PHC2: variants seen among roughly 807,000 people sequenced by gnomAD.
PHC2 encodes the protein polyhomeotic homolog 2, also known as polyhomeotic-like protein 2.
In PHC2, 29 loss-of-function variants were observed where a neutral mutation model predicts 87.4. The ratio of observed to expected loss-of-function variants is 0.33; its 90% CI spans 0.25 to 0.45. PHC2 has a LOEUF of 0.45. Ranked by LOEUF, PHC2 falls within the 20% of genes least tolerant of loss-of-function variation. PHC2 has a pLI of 1.00. For missense variants in PHC2, 857 were observed against 1,136.7 expected, an observed-to-expected ratio of 0.75 and a Z score of 3.54; for synonymous variants, 438 against 461.7, an observed-to-expected ratio of 0.95 and a Z score of 0.66.
At chr1:33,420,989 GATTA>G (rs1650413731) in intron 1 of PHC2, among the ~76,000 whole-genome samples, 1 of 152,138 alleles carries the variant, frequency 6.6e-6, no homozygotes, top group Non-Finnish European at 1.5e-5. Flanking sequence ...TAGCTGTGAG[GATTA>G]AATAAGAATT....
chr1:33,378,267 T>C (rs1175719134), intron 1 of PHC2, among the ~76,000 whole-genome samples: 1 of 152,172 alleles, frequency 6.6e-6, no homozygotes, highest in Non-Finnish European at 1.5e-5. Context: ...TAAAAAGTGG[T>C]AGGAGGTATA....
chr1:33,354,476 G>A lies in PHC2; in HGVS notation c.1483C>T (p.Gln495Ter), dbSNP rs778134188. 1.2e-6 allele frequency: 2 copies of A among 1,614,152 alleles called. No individual in the cohort carries two copies. Among genetic ancestry groups the A allele is most frequent in the Admixed American group, 3.3e-5 (2 of 60,028 alleles). ...CCAGGCATGGCAGTGACAATAGCCT[G>A]CTGATGTGGTGATGGGCCAGACCGC... ...ETRSGPSPHQ[Q>*]AIVTAMPGGL... The change falls in exon 9 of 15, where the codon CAG becomes TAG. Residue 495 changes from glutamine to a stop codon, truncating the protein, a stop_gained. Coordinates refer to ENST00000683057, the MANE Select transcript of PHC2 (RefSeq NM_001385109.1). LOFTEE classifies it high-confidence loss of function.
At chr1:33,384,033 T>C (rs565959337) in intron 1 of PHC2, among the ~76,000 whole-genome samples, 1 of 152,300 alleles carries the variant, frequency 6.6e-6, no homozygotes, top group Non-Finnish European at 1.5e-5. Context: ...AGGGAACTAT[T>C]ATGCTGCCTA....
At chr1:33,421,071 T>G (rs1282372008) in intron 1 of PHC2, among the ~76,000 whole-genome samples, 1 of 152,232 alleles carries the variant, frequency 6.6e-6, no homozygotes, top group Non-Finnish European at 1.5e-5. Flanking sequence ...CAATTATTAT[T>G]ATGCAATAAA....
At chr1:33,367,709 G>T (rs1647561965) in intron 6 of PHC2, among the ~76,000 whole-genome samples, 1 of 152,134 alleles carries the variant, frequency 6.6e-6, no homozygotes, top group Admixed American at 6.5e-5. Flanking sequence ...GGGAGGCCAG[G>T]CTCTGTCCCT....
At chr1:33,400,078 A>G (rs1474555841) in intron 1 of PHC2, among the ~76,000 whole-genome samples, 3 of 152,220 alleles carry the variant, frequency 2.0e-5, no homozygotes, top group African/African-American at 7.2e-5. Flanking sequence ...AATCTCATTC[A>G]TATCTAAAGA....
At chr1:33,366,858 T>A (rs1417960605) in intron 7 of PHC2, among the ~76,000 whole-genome samples, 1 of 152,240 alleles carries the variant, frequency 6.6e-6, no homozygotes, top group East Asian at 1.9e-4. Flanking sequence ...TGTGGCTGCG[T>A]ACCCTGATTC....
intron 1 of PHC2, among the ~76,000 whole-genome samples, chr1:33,408,009 G>GA (rs1649832349): frequency 6.6e-6 from 1 of 152,204 alleles, no homozygotes; most frequent in African/African-American, 2.4e-5. Flanking sequence ...TTTGAATGGT[G>GA]AGTTTACCTC....
chr1:33,362,717 A>G (rs1230624084), intron 7 of PHC2, among the ~76,000 whole-genome samples: 1 of 151,942 alleles, frequency 6.6e-6, no homozygotes, highest in Admixed American at 6.6e-5. Context: ...GGTGCTTCCC[A>G]GTGCCAGCTG....
chr1:33,421,755 T>C (rs1407630981), intron 1 of PHC2, among the ~76,000 whole-genome samples: 2 of 152,156 alleles, frequency 1.3e-5, no homozygotes, highest in African/African-American at 2.4e-5. Flanking sequence ...TGGGGTTGAA[T>C]GAACAAACAT....
rs1646585825 is a variant in PHC2 at position 33,334,682 on chromosome 1, A to T, written c.1559-390T>A. ...GAGGGAGAAAAGTATTCAAGGTGAC[A>T]TCTAAAACCAGGACAAGAAGCTGAG... On this transcript the variant is annotated intron_variant, in intron 9 of 14. Coordinates refer to ENST00000683057, the MANE Select transcript of PHC2 (RefSeq NM_001385109.1). The surrounding 1 kb of genome is among the most constrained non-coding windows in gnomAD (Gnocchi z 5.5). Among the ~76,000 whole-genome samples the T allele has an allele frequency of 6.6e-6, 1 of 152,236 alleles. No individual in the cohort carries two copies. The highest frequency in any genetic ancestry group is 1.5e-5 in the Non-Finnish European group (1 of 68,032).
At chr1:33,401,868 A>G (rs1321778670) in intron 1 of PHC2, among the ~76,000 whole-genome samples, 1 of 152,234 alleles carries the variant, frequency 6.6e-6, no homozygotes, top group Non-Finnish European at 1.5e-5. Context: ...AGTAAACTAA[A>G]TATTTAAGAG....
At chr1:33,372,538 A>C in intron 2 of PHC2, 91 bp from the exon 3 acceptor site, 1 of 1,204,034 alleles carries the variant, frequency 8.3e-7, no homozygotes, top group Non-Finnish European at 1.1e-6. Flanking sequence ...CCAGGTCTCT[A>C]TAACTGCTCG....
In PHC2 at chr1:33,324,729, C is replaced by G; in HGVS notation, c.*136G>C. On this transcript the variant is annotated 3_prime_UTR_variant, in exon 15 of 15. Transcript: ENST00000683057. The stretch of plus-strand genomic sequence containing the variant: ...AGAGCCATGGAGGAGGTGCCCAGAC[C>G]TCCTCACCAGCTATGCCCCTAGGGA... 1 of 900,624 alleles carries G rather than the reference C, an allele frequency of 1.1e-6. No homozygotes were observed. The highest frequency in any genetic ancestry group is 2.1e-5 in the South Asian group (1 of 47,238). The allele number at this position is 900,624 out of a possible 1,614,324, so 55.8% of individuals were successfully genotyped here.
At chr1:33,430,839 GTCC>G (rs1192497850) in intron 1 of PHC2, 134 bp downstream of exon 1, 80 of 150,290 alleles carry the variant, frequency 5.3e-4, no homozygotes, top group African/African-American at 1.9e-3. Flanking sequence ...CGCGCGGCCC[GTCC>G]CGGCCGAGCG....
In PHC2 at chr1:33,334,272, G is replaced by C. The variant is rs1395542140; in HGVS notation, c.1579C>G (p.His527Asp). ...GGGCTGCTGAGGTCGGTCAGTGCAT[G>C]AACAATGCCCTGCCCTGTCTCTGCA... The part of the protein sequence containing the change: ...PAHETGQGIV[H>D]ALTDLSSPGM... Residue 527 changes from histidine (H) to aspartate (D), a missense_variant, in exon 10 of 15, where the codon CAT (histidine) becomes GAT (aspartate). By Grantham distance (81) the His-to-Asp change is moderately conservative. Around this residue, in one of 3 missense-constraint regions of PHC2, gnomAD observed 832 missense variants for 1,081.8 expected, o/e 0.77. Coordinates refer to ENST00000683057, the MANE Select transcript of PHC2 (RefSeq NM_001385109.1). This position sits in a 1 kb window ranked among gnomAD's most constrained non-coding sequence, Gnocchi z 5.5. 3 of 1,612,652 alleles carry C rather than the reference G, an allele frequency of 1.9e-6. No homozygotes were observed. The highest frequency in any genetic ancestry group is 2.5e-6 in the Non-Finnish European group (3 of 1,179,536).
At chr1:33,338,454 C>T (rs1646682589) in intron 9 of PHC2, among the ~76,000 whole-genome samples, 1 of 152,178 alleles carries the variant, frequency 6.6e-6, no homozygotes, top group Non-Finnish European at 1.5e-5. Context: ...ACAGCTACTT[C>T]GCTTTGCAGT....
At chr1:33,396,102 C>T (rs967569032) in intron 1 of PHC2, among the ~76,000 whole-genome samples, 1 of 152,202 alleles carries the variant, frequency 6.6e-6, no homozygotes, top group East Asian at 1.9e-4. Context: ...AAGCCAACCT[C>T]AGTAGGTGTG....
intron 1 of PHC2, among the ~76,000 whole-genome samples, chr1:33,400,876 T>C (rs1405706214): frequency 2.0e-5 from 3 of 152,144 alleles, no homozygotes; most frequent in East Asian, 3.8e-4. Context: ...TAGCTGCCCT[T>C]TGTGTTAGTA....
Sources: gnomAD v4.1 joint callset for allele counts (sites outside exome capture counted in the v4.1 genomes callset) on GRCh38, gnomAD v4.1.1 for gene constraint, gnomAD v4.1.1 regional missense constraint, Gnocchi (gnomAD v3.1) non-coding constraint, MANE v1.5 for transcripts, NCBI Gene and HGNC (gene_info 2026-07-23, HGNC 2026-07-21) for gene names.